BCL7B: variants seen among roughly 807,000 people sequenced by gnomAD.
The protein encoded by BCL7B is BAF chromatin remodeling complex subunit BCL7B.
BCL7B carries 11 observed loss-of-function variants against 26.5 expected under a neutral mutation model. That is an observed-to-expected ratio of 0.42 (90% CI 0.26 to 0.69). The LOEUF (loss-of-function observed/expected upper bound fraction) is 0.69, where lower values mean the gene tolerates loss of function less well. Ranked by LOEUF, BCL7B falls within the 30% of genes least tolerant of loss-of-function variation. The pLI is 0.28. For synonymous variants in BCL7B, 111 were observed against 107.9 expected (o/e 1.03, Z -0.18); for missense variants, 215 against 264.4 (o/e 0.81, Z 1.30).
At chr7:73,545,234 A>G (rs1409799957) in intron 2 of BCL7B, among the ~76,000 whole-genome samples, 1 of 152,120 alleles carries the variant, frequency 6.6e-6, no homozygotes, top group Non-Finnish European at 1.5e-5. Context: ...GTTTTTTGAG[A>G]CAGAGTCTTG....
At chr7:73,551,223 C>T (rs1554584097) in intron 2 of BCL7B, among the ~76,000 whole-genome samples, 1 of 152,202 alleles carries the variant, frequency 6.6e-6, no homozygotes, top group Admixed American at 6.5e-5. Flanking sequence ...GGCAACCACT[C>T]AATCTGCCAC....
intron 1 of BCL7B, chr7:73,557,235 A>C: frequency 1.9e-6 from 2 of 1,079,018 alleles, no homozygotes; most frequent in East Asian, 5.9e-5. Context: ...GGAAGCCGGA[A>C]TCCCCTCCCA....
chr7:73,541,624 C>T (rs952898067), intron 3 of BCL7B, among the ~76,000 whole-genome samples: 8 of 152,046 alleles, frequency 5.3e-5, no homozygotes, highest in African/African-American at 1.7e-4. Context: ...TGCGCCACCA[C>T]GCCTGGGTAA....
chr7:73,556,923 G>C (rs1404578438), intron 1 of BCL7B: 1 of 984,812 alleles, frequency 1.0e-6, no homozygotes, highest in African/African-American at 1.7e-5. Context: ...GGGGCAGCAA[G>C]AGAAAATGCC....
Position 73,538,025 on chromosome 7 carries a change from G to A in BCL7B, c.437-12C>T. On this transcript the variant is annotated splice_polypyrimidine_tract_variant and intron_variant, in intron 4 of 5. Coordinates refer to ENST00000223368, the MANE Select transcript of BCL7B (RefSeq NM_001707.4). ...GGGCAGGGAGGGCTCTGAAAAGGCA[G>A]TAGGGTCGGCCTGAGGGCAGGGCTC... 2.5e-6 allele frequency: 4 copies of A among 1,584,602 alleles called. No homozygotes were observed. The highest frequency in any genetic ancestry group is 3.4e-6 in the Non-Finnish European group (4 of 1,164,764).
Position 73,551,900 on chromosome 7 carries a change from C to A in BCL7B, c.168+267G>T, listed in dbSNP as rs565257685. On this transcript the variant is annotated intron_variant, in intron 2 of 5. Transcript: ENST00000223368. ...CACGAGGTCAGGAGTTCAAGACCAG[C>A]CTGACCAACATGGTGAAACCCCGTC... Among the ~76,000 whole-genome samples, 8 of 151,542 alleles carry A rather than the reference C, an allele frequency of 5.3e-5. No homozygotes were observed. In the South Asian group the frequency reaches 1.5e-3, roughly 28 times the overall value.
Position 73,537,919 on chromosome 7 carries a change from A to C in BCL7B, c.516+15T>G. 1 of 1,565,702 alleles carries C rather than the reference A, an allele frequency of 6.4e-7. No homozygotes were observed. Among genetic ancestry groups the C allele is most frequent in the Non-Finnish European group, 8.6e-7 (1 of 1,158,622 alleles). ...AAAAAAACAAAAAACTGGAAAACTC[A>C]AAGTGATTGCTTACCTGTGTCTCTA... On this transcript the variant is annotated intron_variant, in intron 5 of 5. Coordinates refer to ENST00000223368, the MANE Select transcript of BCL7B (RefSeq NM_001707.4).
chr7:73,537,460 T>C, intron 5 of BCL7B, 70 bp from the exon 6 acceptor site: 3 of 1,130,898 alleles, frequency 2.7e-6, no homozygotes, highest in Non-Finnish European at 4.0e-6. Context: ...CCACCCGAAT[T>C]ATAATGGGAT....
In BCL7B at chr7:73,536,457, AAAAAT is replaced by A. The variant is rs1791529364; in HGVS notation, c.*836_*840del. 1 of 152,654 alleles carries A rather than the reference AAAAAT, an allele frequency of 6.6e-6. No homozygotes were observed. The highest frequency in any genetic ancestry group is 1.5e-5 in the Non-Finnish European group (1 of 68,048). 9.5% of individuals were successfully genotyped at this position (152,654 alleles called of 1,614,324 possible). A position where few individuals can be genotyped will look rare whatever the true frequency, so the allele number is the denominator to read the frequency against. On this transcript the variant is annotated 3_prime_UTR_variant, in exon 6 of 6. Transcript: ENST00000223368. ...CATTTTCTTAAACTTTTTTGAAACA[AAAAAT>A]AAAATCACAAAGTTCAATTCAACAT...
At chr7:73,543,443 G>T in intron 3 of BCL7B, 105 bp downstream of exon 3, 1 of 1,043,322 alleles carries the variant, frequency 9.6e-7, no homozygotes. Flanking sequence ...CTCCCAAAGT[G>T]CTGAGGTTAC....
At chr7:73,540,175 T>A (rs1791702806) in intron 3 of BCL7B, 123 bp from the exon 4 acceptor site, 2 of 1,029,022 alleles carry the variant, frequency 1.9e-6, no homozygotes, top group Non-Finnish European at 2.8e-6. Context: ...AGTATAATAA[T>A]CATTGTGCCC....
At chr7:73,557,157 A>AGAGGG in intron 1 of BCL7B, 1 of 1,011,706 alleles carries the variant, frequency 9.9e-7, no homozygotes, top group Non-Finnish European at 1.2e-6. Flanking sequence ...CTGCCCAGGA[A>AGAGGG]GAGGGGAGGG....
chr7:73,543,926 G>T, intron 2 of BCL7B: 1 of 260,842 alleles, frequency 3.8e-6, no homozygotes, highest in South Asian at 5.7e-5. Flanking sequence ...TCCCTCTCCT[G>T]CCCTGATCAA....
intron 2 of BCL7B, among the ~76,000 whole-genome samples, chr7:73,548,271 T>C (rs1409360021): frequency 1.1e-4 from 16 of 151,932 alleles, no homozygotes; most frequent in Admixed American, 1.1e-3. Context: ...CTACTAAAAA[T>C]ACAGAAATTA....
At chr7:73,541,084 T>C (rs1791754704) in intron 3 of BCL7B, among the ~76,000 whole-genome samples, 1 of 151,870 alleles carries the variant, frequency 6.6e-6, no homozygotes, top group Admixed American at 6.6e-5. Flanking sequence ...GAGGTGGAGG[T>C]TGCAGTGAGC....
At chr7:73,545,903 G>C (rs1311961106) in intron 2 of BCL7B, among the ~76,000 whole-genome samples, 1 of 152,010 alleles carries the variant, frequency 6.6e-6, no homozygotes, top group Non-Finnish European at 1.5e-5. Context: ...AGGCCGAGGT[G>C]GGCCGATCAC....
In BCL7B at chr7:73,537,232, C is replaced by CG; in HGVS notation, c.*65dup. The stretch of plus-strand genomic sequence containing the variant: ...AGTGCTTGCCCTTACCCCAGCAACG[C>CG]GGCGCGGCCAGAACCAGAATGCAAT... On this transcript the variant is annotated 3_prime_UTR_variant, in exon 6 of 6. Coordinates refer to ENST00000223368, the MANE Select transcript of BCL7B (RefSeq NM_001707.4). 2.0e-6 allele frequency: 3 copies of CG among 1,528,594 alleles called. No individual in the cohort carries two copies. Among genetic ancestry groups the CG allele is most frequent in the Non-Finnish European group, 2.7e-6 (3 of 1,107,100 alleles). 94.7% of individuals were successfully genotyped at this position (1,528,594 alleles called of 1,614,324 possible). A position where few individuals can be genotyped will look rare whatever the true frequency, so the allele number is the denominator to read the frequency against.
In BCL7B at chr7:73,557,467, C is replaced by T. The variant is rs1478615828; in HGVS notation, c.92+20G>A. 2.2e-6 allele frequency: 3 copies of T among 1,377,040 alleles called. No homozygotes were observed. Among genetic ancestry groups the T allele is most frequent in the African/African-American group, 1.5e-5 (1 of 66,282 alleles). The allele number at this position is 1,377,040 out of a possible 1,614,324, so 85.3% of individuals were successfully genotyped here. On this transcript the variant is annotated intron_variant, in intron 1 of 5. Coordinates refer to ENST00000223368, the MANE Select transcript of BCL7B (RefSeq NM_001707.4). ...CTGGATCCGCGACCCCCGCCAGCCCCCTAAGCTCCGGCCCCTCACCATTTC... is the reference window on the plus strand; with the variant it reads ...CTGGATCCGCGACCCCCGCCAGCCCTCTAAGCTCCGGCCCCTCACCATTTC...
chr7:73,557,488 A>G lies in BCL7B; in HGVS notation c.91T>C (p.Trp31Arg). The change falls in exon 1 of 6, where the codon TGG becomes CGG. Residue 31 changes from tryptophan to arginine, a missense_variant and splice_region_variant. Coordinates refer to ENST00000223368, the MANE Select transcript of BCL7B (RefSeq NM_001707.4). Reference sequence around the variant, plus strand: ...GCCCCCTAAGCTCCGGCCCCTCACCATTTCCGCACTTTCTCGATGGCCGCC... The same window carrying G: ...GCCCCCTAAGCTCCGGCCCCTCACCGTTTCCGCACTTTCTCGATGGCCGCC... The part of the protein sequence containing the change: ...VMAAIEKVRK[W>R]EKKWVTVGDT... 7.2e-7 allele frequency: 1 copy of G among 1,398,440 alleles called. No individual in the cohort carries two copies. The allele number at this position is 1,398,440 out of a possible 1,614,324, so 86.6% of individuals were successfully genotyped here.
Sources: allele counts gnomAD v4.1 joint callset (sites outside exome capture counted in the v4.1 genomes callset), GRCh38; gene constraint gnomAD v4.1.1; transcripts MANE v1.5; gene names NCBI Gene and HGNC (gene_info 2026-07-23, HGNC 2026-07-21).